Variants in CSMD1 observed in about 807,000 individuals in gnomAD.
The protein encoded by CSMD1 is CUB and sushi domain-containing protein 1.
CSMD1 carries 213 observed loss-of-function variants against 417.5 expected under a neutral mutation model. The ratio of observed to expected loss-of-function variants is 0.51; its 90% confidence interval spans 0.46 to 0.57. The LOEUF is 0.57. Among genes scored for constraint, CSMD1 ranks in the 20% least tolerant of loss-of-function variants. CSMD1 has a pLI of 0.00. For missense variants in CSMD1, 6,923 were observed against 4,529.7 expected (o/e 1.53, Z -15.17); for synonymous variants, 2,862 against 1,736.8 (o/e 1.65, Z -16.11).
At chr8:4,757,444 G>A (rs1400087070) in intron 1 of CSMD1, among the ~76,000 whole-genome samples, 1 of 152,140 alleles carries the variant, frequency 6.6e-6, no homozygotes, top group African/African-American at 2.4e-5. Flanking sequence ...CTGGAGAGCA[G>A]GAAGGTTAAC....
chr8:4,264,001 A>C (rs1174727993), intron 3 of CSMD1, among the ~76,000 whole-genome samples: 1 of 152,184 alleles, frequency 6.6e-6, no homozygotes, highest in Admixed American at 6.6e-5. Flanking sequence ...TCTTAGAAGT[A>C]AATCAGATCG....
At chr8:3,654,244 G>C (rs981375749) in intron 7 of CSMD1, among the ~76,000 whole-genome samples, 1 of 152,104 alleles carries the variant, frequency 6.6e-6, no homozygotes, top group Non-Finnish European at 1.5e-5. Context: ...TTGGTTTTCA[G>C]GGACTTATTT....
At chr8:4,390,548 C>G (rs1361569670) in intron 3 of CSMD1, among the ~76,000 whole-genome samples, 1 of 35,398 alleles carries the variant, frequency 2.8e-5, no homozygotes, top group Non-Finnish European at 6.1e-5. Context: ...GAGTCTTGCT[C>G]TGTTGCCCAG....
At chr8:4,918,192 A>G (rs371582985) in intron 1 of CSMD1, among the ~76,000 whole-genome samples, 1 of 152,356 alleles carries the variant, frequency 6.6e-6, no homozygotes, top group East Asian at 1.9e-4. Context: ...AGTTGAAATC[A>G]TTACGAAGGG....
chr8:4,208,187 G>T (rs891462390), intron 3 of CSMD1, among the ~76,000 whole-genome samples: 1 of 152,130 alleles, frequency 6.6e-6, no homozygotes, highest in African/African-American at 2.4e-5. Flanking sequence ...AATGAAAATA[G>T]ACTCAGCTAT....
In CSMD1 at chr8:3,357,973, TCG is replaced by T. The variant is rs1375593719; in HGVS notation, c.3304+1177_3304+1178del. On this transcript the variant is annotated intron_variant, in intron 21 of 69. Transcript: ENST00000635120. Reference sequence around the variant, plus strand: ...GAAATTCTGACTGTGTATCTCTGGTTCGTTAAAATCCAGAAATATAGCTTTAT... The same window carrying T: ...GAAATTCTGACTGTGTATCTCTGGTTTTAAAATCCAGAAATATAGCTTTAT... Among the ~76,000 whole-genome samples, 144 of 152,292 alleles carry T rather than the reference TCG, an allele frequency of 9.5e-4. 1 individual carries two copies. The highest frequency in any genetic ancestry group is 1.6e-3 in the Non-Finnish European group (111 of 68,024).
Position 3,824,474 on chromosome 8 carries a change from G to A in CSMD1, c.819-70432C>T, listed in dbSNP as rs185331378. Among the ~76,000 whole-genome samples, 8 of 152,216 alleles carry A rather than the reference G, an allele frequency of 5.3e-5. No individual in the cohort carries two copies. In the East Asian group the frequency reaches 1.4e-3, roughly 26 times the overall value. Reference sequence around the variant, plus strand: ...TCTGCACCTCTGTCCCCTAAGTGCCGTACCTCATACATTATCCACTAGCCA... The same window carrying A: ...TCTGCACCTCTGTCCCCTAAGTGCCATACCTCATACATTATCCACTAGCCA... On this transcript the variant is annotated intron_variant, in intron 5 of 69. Coordinates refer to ENST00000635120, the MANE Select transcript of CSMD1 (RefSeq NM_033225.6).
intron 1 of CSMD1, among the ~76,000 whole-genome samples, chr8:4,889,124 A>C (rs902594283): frequency 1.3e-5 from 2 of 152,110 alleles, no homozygotes; most frequent in South Asian, 4.1e-4. Flanking sequence ...CGAAAGTATC[A>C]CTCACAGTAT....
intron 5 of CSMD1, among the ~76,000 whole-genome samples, chr8:3,826,376 G>C (rs905243624): frequency 6.6e-6 from 1 of 152,124 alleles, no homozygotes; most frequent in African/African-American, 2.4e-5. Flanking sequence ...TGCAAATTCT[G>C]GGAGAGTTCC....
At chr8:3,527,700 T>C (rs74949220) in intron 10 of CSMD1, among the ~76,000 whole-genome samples, 8,944 of 152,160 alleles carry the variant, frequency 0.059, 302 homozygotes, top group Non-Finnish European at 0.074. Context: ...CTTAGAGCAA[T>C]GTGACCCTTA....
chr8:4,648,987 C>T (rs1164231045), intron 1 of CSMD1, among the ~76,000 whole-genome samples: 1 of 152,170 alleles, frequency 6.6e-6, no homozygotes, highest in Non-Finnish European at 1.5e-5. Context: ...TGGAGTAGTG[C>T]CTTCAATAAA....
At chr8:3,051,758 A>G (rs1030766291) in intron 50 of CSMD1, among the ~76,000 whole-genome samples, 5 of 152,330 alleles carry the variant, frequency 3.3e-5, no homozygotes, top group African/African-American at 7.2e-5. Flanking sequence ...ATTATTTCCA[A>G]TTTGAGTCTA....
intron 3 of CSMD1, among the ~76,000 whole-genome samples, chr8:4,033,943 G>A (rs985229702): frequency 1.3e-5 from 2 of 152,158 alleles, no homozygotes; most frequent in African/African-American, 4.8e-5. Context: ...TATGTCATCA[G>A]TAAATTAGCT....
At chr8:3,027,896 G>C (rs1260439474) in intron 51 of CSMD1, among the ~76,000 whole-genome samples, 1 of 152,218 alleles carries the variant, frequency 6.6e-6, no homozygotes, top group Non-Finnish European at 1.5e-5. Context: ...GTTTAGTTCA[G>C]GAATGAGGTT....
chr8:4,863,056 C>G (rs963868636), intron 1 of CSMD1, among the ~76,000 whole-genome samples: 5 of 151,948 alleles, frequency 3.3e-5, no homozygotes, highest in African/African-American at 1.2e-4. Context: ...ATGTGAGGTC[C>G]CTGGTGATTC....
intron 3 of CSMD1, among the ~76,000 whole-genome samples, chr8:4,354,521 T>G (rs1156800669): frequency 6.6e-6 from 1 of 152,170 alleles, no homozygotes; most frequent in Admixed American, 6.6e-5. Flanking sequence ...GTTTAATCAC[T>G]TGATGTTGTG....
chr8:4,228,973 C>T (rs746549052), intron 3 of CSMD1, among the ~76,000 whole-genome samples: 11 of 152,066 alleles, frequency 7.2e-5, no homozygotes, highest in Non-Finnish European at 2.9e-5. Flanking sequence ...AGCCAGGACC[C>T]CTGATTTTAA....
chr8:4,694,171 G>A (rs570981391), intron 1 of CSMD1, among the ~76,000 whole-genome samples: 62 of 152,212 alleles, frequency 4.1e-4, no homozygotes, highest in African/African-American at 1.5e-3. Flanking sequence ...AGAGCTCAAA[G>A]CCTTCCTTCT....
chr8:4,833,212 A>C (rs1417305675), intron 1 of CSMD1, among the ~76,000 whole-genome samples: 2 of 152,224 alleles, frequency 1.3e-5, no homozygotes, highest in African/African-American at 4.8e-5. Flanking sequence ...TTATAAAGAA[A>C]AGTGGATTAA....
Sources: allele counts gnomAD v4.1 joint callset (sites outside exome capture counted in the v4.1 genomes callset), GRCh38; gene constraint gnomAD v4.1.1; transcripts MANE v1.5; gene names NCBI Gene and HGNC (gene_info 2026-07-23, HGNC 2026-07-21).